The following JMJD1C variants were observed in gnomAD, a reference collection of about 807,000 sequenced individuals.
JMJD1C encodes the protein jumonji domain containing 1C, also known as jumonji domain-containing protein 1C.
A neutral mutation model predicts 245.3 loss-of-function variants in JMJD1C; 31 were observed. The ratio of observed to expected loss-of-function variants is 0.13; its 90% CI spans 0.09 to 0.17. The LOEUF is 0.17. Among genes scored for constraint, JMJD1C ranks in the 10% least tolerant of loss-of-function variants. JMJD1C has a pLI of 1.00. For missense variants in JMJD1C, 2,691 were observed against 3,000.2 expected, an observed-to-expected ratio of 0.90 and a Z score of 2.41; for synonymous variants, 1,057 against 1,017.4, an observed-to-expected ratio of 1.04 and a Z score of -0.74.
intron 2 of JMJD1C, among the ~76,000 whole-genome samples, chr10:63,343,768 T>C (rs1197180953): frequency 6.6e-6 from 1 of 152,188 alleles, no homozygotes; most frequent in African/African-American, 2.4e-5. Flanking sequence ...CCAGGCGTAA[T>C]GGCTCACAAC....
At chr10:63,513,731 G>A (rs995848345) in intron 1 of JMJD1C, among the ~76,000 whole-genome samples, 3 of 151,802 alleles carry the variant, frequency 2.0e-5, no homozygotes, top group Admixed American at 6.6e-5. Flanking sequence ...GCTAACACAG[G>A]GAAACCCCGT....
chr10:63,397,388 T>G (rs1244845115), intron 1 of JMJD1C, among the ~76,000 whole-genome samples: 1 of 151,734 alleles, frequency 6.6e-6, no homozygotes, highest in Non-Finnish European at 1.5e-5. Context: ...TTATTTTGTA[T>G]TTTCAGTAGA....
At chr10:63,461,793 A>C (rs1253218933) in intron 1 of JMJD1C, among the ~76,000 whole-genome samples, 1 of 152,178 alleles carries the variant, frequency 6.6e-6, no homozygotes, top group Non-Finnish European at 1.5e-5. Context: ...CTAAGCATCA[A>C]AGAAAGGTAG....
intron 1 of JMJD1C, among the ~76,000 whole-genome samples, chr10:63,487,422 G>A (rs556915368): frequency 6.6e-6 from 1 of 152,318 alleles, no homozygotes; most frequent in East Asian, 1.9e-4. Context: ...CAATCTGCAG[G>A]AAAAGAGTTG....
chr10:63,251,955 T>C (rs983082765), intron 3 of JMJD1C, among the ~76,000 whole-genome samples: 3 of 152,122 alleles, frequency 2.0e-5, no homozygotes, highest in Non-Finnish European at 4.4e-5. Context: ...GAGGCTGCAG[T>C]TGAGACAAGA....
intron 8 of JMJD1C, among the ~76,000 whole-genome samples, chr10:63,211,658 T>C (rs1025981221): frequency 8.6e-5 from 13 of 151,224 alleles, no homozygotes; most frequent in African/African-American, 2.4e-5. Flanking sequence ...GTCACTAAAA[T>C]TGTCTTCTAA....
chr10:63,422,271 G>A (rs1000809010), intron 1 of JMJD1C, among the ~76,000 whole-genome samples: 1 of 152,194 alleles, frequency 6.6e-6, no homozygotes, highest in African/African-American at 2.4e-5. Context: ...AATCAGCCAT[G>A]TGTGGTGGTG....
intron 2 of JMJD1C, among the ~76,000 whole-genome samples, chr10:63,349,762 G>A (rs764439271): frequency 6.6e-6 from 1 of 152,136 alleles, no homozygotes; most frequent in Non-Finnish European, 1.5e-5. Context: ...AAAACACCTA[G>A]TATTTTCCAG....
intron 3 of JMJD1C, among the ~76,000 whole-genome samples, chr10:63,220,961 A>G (rs1848529733): frequency 6.6e-6 from 1 of 151,574 alleles, no homozygotes; most frequent in African/African-American, 2.4e-5. Flanking sequence ...ACAAAAAAAT[A>G]TTAGCTGGGT....
chr10:63,409,725 G>C (rs1949376020), intron 1 of JMJD1C, among the ~76,000 whole-genome samples: 1 of 152,134 alleles, frequency 6.6e-6, no homozygotes, highest in South Asian at 2.1e-4. Context: ...GTTACAACTG[G>C]CATGTATCTG....
chr10:63,332,329 T>C (rs1942248301), intron 2 of JMJD1C, among the ~76,000 whole-genome samples: 1 of 152,180 alleles, frequency 6.6e-6, no homozygotes, highest in Admixed American at 6.5e-5. Context: ...TCCCCAAAAT[T>C]TAATATGATG....
chr10:63,187,694 G>T (rs1233100964), intron 18 of JMJD1C, among the ~76,000 whole-genome samples: 1 of 152,120 alleles, frequency 6.6e-6, no homozygotes, highest in Non-Finnish European at 1.5e-5. Context: ...TCCCACCTTG[G>T]CCTCCCAAAA....
chr10:63,202,572 T>C, intron 10 of JMJD1C: 1 of 985,438 alleles, frequency 1.0e-6, no homozygotes, highest in Non-Finnish European at 1.2e-6. Flanking sequence ...ATTAAGCACT[T>C]CTGAATTGCT....
At chr10:63,177,897 T>C (rs768867443) in intron 22 of JMJD1C, 41 bp from the exon 23 acceptor site, 3 of 1,599,600 alleles carry the variant, frequency 1.9e-6, no homozygotes, top group East Asian at 4.5e-5. Context: ...CGGCAAAGAA[T>C]ACCAGAAAGC....
At chr10:63,243,484 CCATTG>C in intron 3 of JMJD1C, among the ~76,000 whole-genome samples, 1 of 152,122 alleles carries the variant, frequency 6.6e-6, no homozygotes, top group Admixed American at 6.6e-5. Flanking sequence ...CGAGATCACG[CCATTG>C]CACTCCAGCA....
intron 1 of JMJD1C, among the ~76,000 whole-genome samples, chr10:63,407,380 G>A (rs1949231778): frequency 6.6e-6 from 1 of 152,148 alleles, no homozygotes; most frequent in African/African-American, 2.4e-5. Flanking sequence ...TTCATCCTCA[G>A]TCTTCTTTCC....
chr10:63,327,378 T>C (rs1439996674), intron 2 of JMJD1C, among the ~76,000 whole-genome samples: 1 of 152,208 alleles, frequency 6.6e-6, no homozygotes, highest in East Asian at 1.9e-4. Context: ...TGAAATTCAA[T>C]TTCTAAAAGG....
upstream of JMJD1C, chr10:63,466,613 TGTC>T (rs1380859163): frequency 6.6e-6 from 1 of 152,270 alleles, no homozygotes. Flanking sequence ...GGCGGGCCCT[TGTC>T]AACGTCCTGA....
chr10:63,499,711 G>A (rs921132710), intron 1 of JMJD1C, among the ~76,000 whole-genome samples: 1 of 152,108 alleles, frequency 6.6e-6, no homozygotes, highest in African/African-American at 2.4e-5. Flanking sequence ...ATTCAGAATT[G>A]AATCTCATTA....
Sources: gnomAD v4.1 joint callset for allele counts (sites outside exome capture counted in the v4.1 genomes callset) on GRCh38, gnomAD v4.1.1 for gene constraint, MANE v1.5 for transcripts, NCBI Gene and HGNC (gene_info 2026-07-23, HGNC 2026-07-21) for gene names.